The following PCNX1 variants were observed in gnomAD, a reference collection of about 807,000 sequenced individuals.
PCNX1 encodes pecanex-like protein 1.
In PCNX1, 78 loss-of-function variants were observed where a neutral mutation model predicts 242.2. That is an observed-to-expected ratio of 0.32 (90% CI 0.27 to 0.39). PCNX1 has a LOEUF of 0.39. Among genes scored for constraint, PCNX1 ranks in the 10% least tolerant of loss-of-function variants. PCNX1 has a pLI of 1.00. For synonymous variants in PCNX1, 1,024 were observed against 1,032.9 expected (o/e 0.99, Z 0.17); for missense variants, 2,581 against 2,856.5 (o/e 0.90, Z 2.20).
At chr14:71,018,030 A>T (rs1051176844) in intron 11 of PCNX1, among the ~76,000 whole-genome samples, 20 of 152,310 alleles carry the variant, frequency 1.3e-4, no homozygotes, top group Middle Eastern at 3.4e-3. Flanking sequence ...GAGGCAAACC[A>T]TAATTCTTCC....
intron 8 of PCNX1, among the ~76,000 whole-genome samples, chr14:71,002,864 C>T (rs1275141302): frequency 1.3e-5 from 2 of 152,090 alleles, no homozygotes. Context: ...TCCAGTAGTT[C>T]CCTTTCTTGC....
chr14:70,967,721 T>TA (rs2058422888), intron 3 of PCNX1, among the ~76,000 whole-genome samples: 1 of 152,224 alleles, frequency 6.6e-6, no homozygotes, highest in African/African-American at 2.4e-5. Context: ...TACATAATGA[T>TA]ACACTTACAA....
chr14:71,085,830 T>G (rs2061974511), intron 28 of PCNX1: 1 of 359,018 alleles, frequency 2.8e-6, no homozygotes, highest in East Asian at 8.4e-5. Flanking sequence ...GGTTCTCTGT[T>G]TTCCTTATCA....
intron 7 of PCNX1, among the ~76,000 whole-genome samples, chr14:70,990,709 C>T (rs994502388): frequency 1.3e-5 from 2 of 152,092 alleles, no homozygotes; most frequent in Non-Finnish European, 2.9e-5. Flanking sequence ...AACAGAAACA[C>T]TTGTTCTAGA....
intron 25 of PCNX1, 66 bp downstream of exon 25, chr14:71,055,628 T>C: frequency 1.1e-6 from 1 of 913,554 alleles, no homozygotes; most frequent in Non-Finnish European, 1.7e-6. Flanking sequence ...TATGTTTATA[T>C]TCACTCCTAA....
intron 2 of PCNX1, among the ~76,000 whole-genome samples, chr14:70,948,955 G>A (rs1393531644): frequency 6.9e-6 from 1 of 144,900 alleles, no homozygotes; most frequent in African/African-American, 2.6e-5. Context: ...ATACACATAC[G>A]TATATGTGTA....
At chr14:70,986,829 C>G (rs2059015948) in intron 6 of PCNX1, among the ~76,000 whole-genome samples, 1 of 152,150 alleles carries the variant, frequency 6.6e-6, no homozygotes, top group Non-Finnish European at 1.5e-5. Flanking sequence ...TAGTTTGTTA[C>G]AAATAATGCT....
chr14:70,936,485 AT>A (rs1231322457), intron 1 of PCNX1, among the ~76,000 whole-genome samples: 1 of 152,196 alleles, frequency 6.6e-6, no homozygotes, highest in African/African-American at 2.4e-5. Context: ...GTTACATAGT[AT>A]TCCATGGTGT....
intron 10 of PCNX1, 111 bp downstream of exon 10, chr14:71,011,660 T>G (rs2059824972): frequency 7.1e-6 from 5 of 700,766 alleles, no homozygotes; most frequent in Non-Finnish European, 1.2e-5. Flanking sequence ...TACACAAAAA[T>G]TTTTTGAAAA....
At chr14:70,948,602 T>TATATATAGATGTGTATATATACAC (rs544081997) in intron 2 of PCNX1, among the ~76,000 whole-genome samples, 5,011 of 151,240 alleles carry the variant, frequency 0.033, 104 homozygotes, top group Non-Finnish European at 0.052. Flanking sequence ...TAGATATGTG[T>TATATATAGATGTGTATATATACAC]ATATATAGAT....
chr14:71,014,679 G>A (rs1335075597), intron 11 of PCNX1, among the ~76,000 whole-genome samples: 1 of 137,258 alleles, frequency 7.3e-6, no homozygotes, highest in Non-Finnish European at 1.6e-5. Flanking sequence ...AAACTATCCA[G>A]AATGAAACAG....
At chr14:70,929,510 T>C (rs1225180695) in intron 1 of PCNX1, among the ~76,000 whole-genome samples, 1 of 152,256 alleles carries the variant, frequency 6.6e-6, no homozygotes, top group Non-Finnish European at 1.5e-5. Context: ...AAATTTAGCA[T>C]AGCTAATCAT....
chr14:71,105,446 G>A lies in PCNX1; in HGVS notation c.6301+6G>A. 1.2e-6 allele frequency: 2 copies of A among 1,605,162 alleles called. No homozygotes were observed. Among genetic ancestry groups the A allele is most frequent in the Non-Finnish European group, 1.7e-6 (2 of 1,172,026 alleles). ...ATCTTATCCTCCAACACTAGGTAATGTGAAACAAAGTTATATGTCTAATGT... is the reference window on the plus strand; with the variant it reads ...ATCTTATCCTCCAACACTAGGTAATATGAAACAAAGTTATATGTCTAATGT... On this transcript the variant is annotated splice_donor_region_variant and intron_variant, in intron 33 of 35. Transcript: ENST00000304743.
chr14:71,025,600 A>G (rs916424634), intron 13 of PCNX1, among the ~76,000 whole-genome samples: 60 of 152,126 alleles, frequency 3.9e-4, no homozygotes, highest in Non-Finnish European at 5.4e-4. Context: ...CCATTCCTAT[A>G]TCTATTTATA....
At chr14:70,934,998 G>T (rs1188048109) in intron 1 of PCNX1, among the ~76,000 whole-genome samples, 1 of 75,566 alleles carries the variant, frequency 1.3e-5, no homozygotes, top group African/African-American at 4.7e-5. Context: ...AGACAGACCG[G>T]TGTGTATGCA....
intron 1 of PCNX1, among the ~76,000 whole-genome samples, chr14:70,928,777 C>G (rs1034541626): frequency 1.3e-5 from 2 of 152,174 alleles, no homozygotes; most frequent in Admixed American, 6.5e-5. Context: ...CCGGATAATA[C>G]TGGGAGACAA....
chr14:70,943,764 G>A (rs1357193062), intron 1 of PCNX1, among the ~76,000 whole-genome samples: 2 of 106,352 alleles, frequency 1.9e-5, no homozygotes, highest in Non-Finnish European at 3.8e-5. Flanking sequence ...GAGGCCTAGA[G>A]GAAAAAATGG....
rs75163814 is a variant in PCNX1, at chr14:70,918,749, A to G, written c.153+10746A>G. Among the ~76,000 whole-genome samples the G allele has an allele frequency of 9.0e-3, 1,368 of 152,320 alleles. 10 individuals carry two copies. Among genetic ancestry groups the G allele is most frequent in the Non-Finnish European group, 0.012 (844 of 68,026 alleles). ...GCCAAATTTTCTTCTAGGACTAGGT[A>G]GTGCTAATTTAAATCTCTGTCAACA... On this transcript the variant is annotated intron_variant, in intron 1 of 35. Transcript: ENST00000304743.
At chr14:70,924,184 A>G (rs2056491574) in intron 1 of PCNX1, among the ~76,000 whole-genome samples, 1 of 146,300 alleles carries the variant, frequency 6.8e-6, no homozygotes, top group Non-Finnish European at 1.5e-5. Flanking sequence ...GTGAGCCGAG[A>G]TTGTGCCACT....
Sources: allele counts gnomAD v4.1 joint callset (sites outside exome capture counted in the v4.1 genomes callset), GRCh38; gene constraint gnomAD v4.1.1; transcripts MANE v1.5; gene names NCBI Gene and HGNC (gene_info 2026-07-23, HGNC 2026-07-21).